CCDC30: variants seen among roughly 807,000 people sequenced by gnomAD.
CCDC30 encodes coiled-coil domain-containing protein 30.
CCDC30 carries 70 observed loss-of-function variants against 100.2 expected under a neutral mutation model. The observed-to-expected ratio is 0.70, with a 90% CI of 0.58 to 0.85. The LOEUF is 0.85. Among genes scored for constraint, CCDC30 ranks in the 40% least tolerant of loss-of-function variants. The pLI is 0.00. For missense variants in CCDC30, 652 were observed against 771.2 expected (o/e 0.85, Z 1.83); for synonymous variants, 233 against 269.5 (o/e 0.86, Z 1.33).
chr1:42,467,983 C>T (rs1359141577), intron 1 of CCDC30, among the ~76,000 whole-genome samples: 1 of 152,244 alleles, frequency 6.6e-6, no homozygotes, highest in African/African-American at 2.4e-5. Context: ...GAGGAGCAAA[C>T]TCGCAGGGAA....
At chr1:42,525,770 A>G (rs541818139) in intron 6 of CCDC30, among the ~76,000 whole-genome samples, 13 of 152,136 alleles carry the variant, frequency 8.5e-5, no homozygotes, top group African/African-American at 2.4e-4. Context: ...GGGCAGATTT[A>G]TAGGAACTTT....
intron 12 of CCDC30, among the ~76,000 whole-genome samples, chr1:42,639,436 CT>C: frequency 6.6e-6 from 1 of 152,342 alleles, no homozygotes; most frequent in South Asian, 2.1e-4. Flanking sequence ...ATTTCTGTCA[CT>C]CAAAACTATG....
chr1:42,559,073 C>T (rs377583576), intron 6 of CCDC30, among the ~76,000 whole-genome samples: 3,355 of 152,174 alleles, frequency 0.022, 132 homozygotes, highest in African/African-American at 0.077. Context: ...AAATAAAATC[C>T]TTTTCAGACA....
intron 1 of CCDC30, chr1:42,468,520 G>A (rs1643663824): frequency 6.6e-6 from 1 of 152,340 alleles, no homozygotes; most frequent in Non-Finnish European, 1.5e-5. Context: ...AGTCAGTCTT[G>A]TGATCAGTCA....
At chr1:42,570,192 G>A (rs955855424) in intron 7 of CCDC30, among the ~76,000 whole-genome samples, 2 of 151,648 alleles carry the variant, frequency 1.3e-5, no homozygotes, top group Non-Finnish European at 2.9e-5. Context: ...TTGGTGCAGT[G>A]GCTCAAGCCT....
chr1:42,591,703 T>C (rs1021804146), intron 10 of CCDC30: 3 of 152,252 alleles, frequency 2.0e-5, no homozygotes, highest in Non-Finnish European at 4.4e-5. Flanking sequence ...AGTGGAGCTA[T>C]AAGAAGTGGG....
intron 7 of CCDC30, among the ~76,000 whole-genome samples, chr1:42,575,445 C>T (rs747812339): frequency 1.3e-5 from 2 of 151,780 alleles, no homozygotes; most frequent in African/African-American, 2.4e-5. Flanking sequence ...GTTAGGAGAT[C>T]GAGACCATTC....
intron 6 of CCDC30, among the ~76,000 whole-genome samples, chr1:42,520,972 TTTTTTC>T (rs1343616940): frequency 1.0e-5 from 1 of 96,118 alleles, no homozygotes; most frequent in African/African-American, 2.9e-5. Context: ...AAGTATTTTC[TTTTTTC>T]TTTTTTTTTT....
intron 12 of CCDC30, among the ~76,000 whole-genome samples, chr1:42,639,505 T>G (rs1647245669): frequency 6.6e-6 from 1 of 152,216 alleles, no homozygotes; most frequent in African/African-American, 2.4e-5. Context: ...ACCACAGGTC[T>G]TCATAAAATG....
intron 9 of CCDC30, among the ~76,000 whole-genome samples, chr1:42,585,039 G>A (rs987571378): frequency 6.6e-6 from 1 of 152,030 alleles, no homozygotes; most frequent in Non-Finnish European, 1.5e-5. Context: ...TTTTTTGGAA[G>A]GTAATTAATT....
intron 1 of CCDC30, among the ~76,000 whole-genome samples, chr1:42,479,778 C>G (rs1305658254): frequency 6.6e-6 from 1 of 152,054 alleles, no homozygotes; most frequent in African/African-American, 2.4e-5. Context: ...GGGTTACTCT[C>G]AAGAATAGAA....
At chr1:42,456,911 C>G in the CCDC30 span, 1 of 1,611,312 alleles carries the variant, frequency 6.2e-7, no homozygotes, top group South Asian at 1.1e-5. Flanking sequence ...TTCGGGCTTG[C>G]TGAGCCTGGA....
chr1:42,545,976 A>T (rs1271412663), intron 6 of CCDC30, among the ~76,000 whole-genome samples: 1 of 134,754 alleles, frequency 7.4e-6, no homozygotes, highest in African/African-American at 2.7e-5. Context: ...ATAATTTAAT[A>T]TTCATTTCCA....
intron 6 of CCDC30, among the ~76,000 whole-genome samples, chr1:42,506,285 T>C (rs1644393650): frequency 6.6e-6 from 1 of 152,266 alleles, no homozygotes; most frequent in African/African-American, 2.4e-5. Context: ...CAGCTCCTCA[T>C]GAATCCTGTG....
chr1:42,547,278 A>G (rs540026453), intron 6 of CCDC30, among the ~76,000 whole-genome samples: 1 of 152,110 alleles, frequency 6.6e-6, no homozygotes, highest in East Asian at 1.9e-4. Flanking sequence ...AGTGTCTTAC[A>G]GGATTTTTGA....
chr1:42,579,161 T>G (rs1322239036), intron 8 of CCDC30, among the ~76,000 whole-genome samples: 9 of 151,996 alleles, frequency 5.9e-5, no homozygotes, highest in Non-Finnish European at 4.4e-5. Context: ...CAGCTAATTT[T>G]TGTACTTTTT....
intron 7 of CCDC30, among the ~76,000 whole-genome samples, chr1:42,570,209 C>T (rs1032071198): frequency 6.6e-6 from 1 of 151,578 alleles, no homozygotes; most frequent in Admixed American, 6.6e-5. Flanking sequence ...GCCTACAATC[C>T]TAGGGCTTTG....
chr1:42,622,911 C>T (rs1646867771), intron 11 of CCDC30, among the ~76,000 whole-genome samples: 1 of 152,122 alleles, frequency 6.6e-6, no homozygotes, highest in Admixed American at 6.5e-5. Flanking sequence ...CTGTCTTTTG[C>T]ATAAAAGCCA....
chr1:42,525,612 T>G (rs1453628355), intron 6 of CCDC30, among the ~76,000 whole-genome samples: 1 of 152,236 alleles, frequency 6.6e-6, no homozygotes. Flanking sequence ...TAATAATATT[T>G]TACTGGATAT....
Sources: allele counts gnomAD v4.1 joint callset (sites outside exome capture counted in the v4.1 genomes callset), GRCh38; gene constraint gnomAD v4.1.1; transcripts MANE v1.5; gene names NCBI Gene and HGNC (gene_info 2026-07-23, HGNC 2026-07-21).